The following PHACTR1 variants were observed in gnomAD, a reference collection of about 807,000 sequenced individuals.
PHACTR1 encodes RPEL repeat containing 1.
In PHACTR1, 16 loss-of-function variants were observed where a neutral mutation model predicts 69.2. The ratio of observed to expected loss-of-function variants is 0.23; its 90% CI spans 0.16 to 0.35. PHACTR1 has a LOEUF of 0.35. Ranked by LOEUF, PHACTR1 falls within the 10% of genes least tolerant of loss-of-function variation. The probability of loss-of-function intolerance (pLI) is 1.00; values close to 1 mark genes in which losing one functional copy is unlikely to be tolerated. For synonymous variants in PHACTR1, 312 were observed against 284.5 expected, an observed-to-expected ratio of 1.10 and a Z score of -0.97; for missense variants, 510 against 734.7, an observed-to-expected ratio of 0.69 and a Z score of 3.54.
chr6:13,218,343 T>C (rs968875065), intron 8 of PHACTR1, among the ~76,000 whole-genome samples: 2 of 152,198 alleles, frequency 1.3e-5, no homozygotes, highest in South Asian at 2.1e-4. Flanking sequence ...GGAATGGAGA[T>C]AAAGTGATGA....
At chr6:12,847,384 T>A (rs1313227512) in intron 4 of PHACTR1, among the ~76,000 whole-genome samples, 1 of 151,998 alleles carries the variant, frequency 6.6e-6, no homozygotes, top group Non-Finnish European at 1.5e-5. Flanking sequence ...AAGAGATGAG[T>A]CAAAAACCAA....
At chr6:12,762,072 G>C (rs1768087864) in intron 4 of PHACTR1, among the ~76,000 whole-genome samples, 1 of 152,158 alleles carries the variant, frequency 6.6e-6, no homozygotes, top group Admixed American at 6.5e-5. Context: ...CAACAGTTTT[G>C]GTGCGGGACC....
chr6:13,178,155 T>C (rs1207969713), intron 6 of PHACTR1, among the ~76,000 whole-genome samples: 2 of 152,248 alleles, frequency 1.3e-5, no homozygotes, highest in African/African-American at 4.8e-5. Flanking sequence ...CTGCTGCTTC[T>C]GTAACCTGCT....
intron 4 of PHACTR1, among the ~76,000 whole-genome samples, chr6:12,897,801 G>C (rs1479373274): frequency 1.3e-5 from 2 of 151,832 alleles, no homozygotes; most frequent in Non-Finnish European, 2.9e-5. Flanking sequence ...TGCCATGGTG[G>C]TTTGCTGCAC....
At chr6:12,849,510 A>G (rs1437546811) in intron 4 of PHACTR1, among the ~76,000 whole-genome samples, 1 of 152,198 alleles carries the variant, frequency 6.6e-6, no homozygotes, top group Non-Finnish European at 1.5e-5. Flanking sequence ...GATAGCACAC[A>G]GTAATGGTAG....
chr6:13,157,147 T>G (rs1758300736), intron 5 of PHACTR1, among the ~76,000 whole-genome samples: 1 of 152,142 alleles, frequency 6.6e-6, no homozygotes, highest in African/African-American at 2.4e-5. Flanking sequence ...ACACCAGCTT[T>G]CTTTCTGTTC....
intron 4 of PHACTR1, among the ~76,000 whole-genome samples, chr6:12,884,640 G>A (rs1783452568): frequency 6.6e-6 from 1 of 152,046 alleles, no homozygotes; most frequent in African/African-American, 2.4e-5. Context: ...TGACCTCATG[G>A]TCCGCCCGCC....
chr6:13,073,331 A>ATTTTTT (rs10664160), intron 5 of PHACTR1, among the ~76,000 whole-genome samples: 1,086 of 65,696 alleles, frequency 0.017, 220 homozygotes, highest in East Asian at 0.028. Flanking sequence ...CATTCCATGA[A>ATTTTTT]TTTTTTTTTT....
chr6:13,020,927 A>AT (rs1800875777), intron 4 of PHACTR1, among the ~76,000 whole-genome samples: 1 of 152,126 alleles, frequency 6.6e-6, no homozygotes, highest in African/African-American at 2.4e-5. Context: ...AGGGCCTGGG[A>AT]TACCACACTA....
chr6:13,229,486 TCC>T (rs1305522858), intron 9 of PHACTR1, among the ~76,000 whole-genome samples: 2 of 151,956 alleles, frequency 1.3e-5, no homozygotes, highest in African/African-American at 4.8e-5. Flanking sequence ...TCACCTCCAC[TCC>T]CACCCCCAAC....
At chr6:12,850,890 C>T (rs1029859352) in intron 4 of PHACTR1, among the ~76,000 whole-genome samples, 8 of 152,174 alleles carry the variant, frequency 5.3e-5, no homozygotes, top group Admixed American at 1.3e-4. Flanking sequence ...ATGACCTCAA[C>T]TTAACTCCCT....
intron 4 of PHACTR1, among the ~76,000 whole-genome samples, chr6:12,759,328 T>C (rs984480897): frequency 1.3e-5 from 2 of 152,006 alleles, no homozygotes; most frequent in African/African-American, 4.8e-5. Flanking sequence ...ATATTTTTGT[T>C]ACAAAAATGC....
intron 4 of PHACTR1, among the ~76,000 whole-genome samples, chr6:12,879,843 G>C (rs1472435287): frequency 6.6e-6 from 1 of 152,066 alleles, no homozygotes; most frequent in African/African-American, 2.4e-5. Flanking sequence ...CAAACAACAA[G>C]GGATGAATCA....
intron 10 of PHACTR1, among the ~76,000 whole-genome samples, chr6:13,270,160 C>T (rs551291338): frequency 1.3e-5 from 2 of 152,342 alleles, no homozygotes; most frequent in South Asian, 4.1e-4. Flanking sequence ...TTTGCTAAGA[C>T]AGCTCACAGA....
At chr6:12,856,435 A>C (rs1780376325) in intron 4 of PHACTR1, among the ~76,000 whole-genome samples, 1 of 151,858 alleles carries the variant, frequency 6.6e-6, no homozygotes, top group African/African-American at 2.4e-5. Context: ...TTGTATTTTT[A>C]GTAGATGCGG....
intron 10 of PHACTR1, among the ~76,000 whole-genome samples, chr6:13,260,679 T>C (rs1775790592): frequency 1.3e-5 from 2 of 152,158 alleles, no homozygotes; most frequent in African/African-American, 2.4e-5. Context: ...GTGACTGGCA[T>C]GCATCATACT....
At chr6:12,943,740 A>T (rs1416683340) in intron 4 of PHACTR1, among the ~76,000 whole-genome samples, 1 of 152,254 alleles carries the variant, frequency 6.6e-6, no homozygotes, top group African/African-American at 2.4e-5. Context: ...CCAAGTAAGT[A>T]ATTGCTTCAC....
chr6:13,280,934 CAG>C, intron 12 of PHACTR1: 1 of 1,287,656 alleles, frequency 7.8e-7, no homozygotes, highest in East Asian at 5.6e-5. Context: ...CCCATGCACA[CAG>C]AGGAGCGTCC....
At chr6:13,217,736 T>A (rs569054053) in intron 8 of PHACTR1, among the ~76,000 whole-genome samples, 1 of 152,362 alleles carries the variant, frequency 6.6e-6, no homozygotes, top group East Asian at 1.9e-4. Flanking sequence ...GCTTTAATGT[T>A]ACATGTCTTA....
Sources: allele counts gnomAD v4.1 joint callset (sites outside exome capture counted in the v4.1 genomes callset), GRCh38; gene constraint gnomAD v4.1.1; transcripts MANE v1.5; gene names NCBI Gene and HGNC (gene_info 2026-07-23, HGNC 2026-07-21).